Variants in ATP8A2 observed in about 807,000 individuals in gnomAD.
ATP8A2 encodes the protein ATPase phospholipid transporting 8A2.
Under a neutral mutation model 165.6 loss-of-function variants are expected in ATP8A2, and 100 were observed. The ratio of observed to expected loss-of-function variants is 0.60; its 90% CI spans 0.51 to 0.71. ATP8A2 has a LOEUF of 0.71. Ranked by LOEUF, ATP8A2 falls within the 30% of genes least tolerant of loss-of-function variation. ATP8A2 has a pLI of 0.00. For missense variants in ATP8A2, 1,227 were observed against 1,479.5 expected (o/e 0.83, Z 2.80); for synonymous variants, 543 against 548.8 (o/e 0.99, Z 0.15).
At chr13:25,792,804 T>C (rs191217570) in intron 27 of ATP8A2, among the ~76,000 whole-genome samples, 2 of 151,710 alleles carry the variant, frequency 1.3e-5, no homozygotes, top group East Asian at 3.9e-4. Flanking sequence ...CCTGTAGTCC[T>C]AGCTAGCTCC....
chr13:26,019,716 G>A (rs955385428), intron 36 of ATP8A2, among the ~76,000 whole-genome samples, 172 bp from the exon 37 acceptor site: 2 of 152,228 alleles, frequency 1.3e-5, no homozygotes, highest in African/African-American at 2.4e-5. Context: ...CGGCCGCCAC[G>A]GCCCCTCTAT....
intron 2 of ATP8A2, among the ~76,000 whole-genome samples, chr13:25,490,130 A>T (rs1442420852): frequency 1.3e-5 from 2 of 152,214 alleles, no homozygotes; most frequent in African/African-American, 4.8e-5. Flanking sequence ...GTAGTAGAGA[A>T]CACACATGTT....
chr13:25,829,303 T>C (rs1001706290), intron 28 of ATP8A2, among the ~76,000 whole-genome samples: 1 of 152,040 alleles, frequency 6.6e-6, no homozygotes, highest in Non-Finnish European at 1.5e-5. Context: ...CTCCTGATAC[T>C]GATGCCCTAA....
chr13:25,959,906 GTAC>G (rs916415000), intron 33 of ATP8A2, among the ~76,000 whole-genome samples: 1 of 152,206 alleles, frequency 6.6e-6, no homozygotes, highest in African/African-American at 2.4e-5. Flanking sequence ...GGGGCAAAAT[GTAC>G]TCACACATTT....
Position 25,551,430 on chromosome 13 carries a change from C to T in ATP8A2, c.984C>T (p.Ala328=), listed in dbSNP as rs760811919. The T allele has an allele frequency of 8.1e-6, 13 of 1,613,966 alleles. No individual in the cohort carries two copies. In the African/African-American group the frequency reaches 1.3e-4, roughly 17 times the overall value. Residue 328 remains alanine (A), a synonymous_variant, in exon 11 of 37, where the codon GCC becomes GCT. Coordinates refer to ENST00000381655, the MANE Select transcript of ATP8A2 (RefSeq NM_016529.6). ...TGTTTGGCATCCTCTTGGTCATGGC[C>T]TTGGTGAGCTCGGCGGGGGCCCTGT... ...LVLFGILLVM[A]LVSSAGALYW... is the part of the protein sequence containing the mutation.
intron 12 of ATP8A2, 127 bp downstream of exon 12, chr13:25,554,047 C>A: frequency 9.7e-7 from 1 of 1,033,748 alleles, no homozygotes; most frequent in Non-Finnish European, 1.4e-6. Flanking sequence ...TTAAACTGGC[C>A]ATACAAAGAA....
intron 1 of ATP8A2, among the ~76,000 whole-genome samples, chr13:25,404,072 A>G (rs1164582059): frequency 6.6e-6 from 1 of 152,178 alleles, no homozygotes; most frequent in Admixed American, 6.5e-5. Flanking sequence ...CCTTGCTCTC[A>G]TGGAACTTAT....
chr13:25,846,942 G>A (rs1219412382), intron 30 of ATP8A2, among the ~76,000 whole-genome samples: 1 of 152,228 alleles, frequency 6.6e-6, no homozygotes, highest in African/African-American at 2.4e-5. Flanking sequence ...AGTAAGGTAT[G>A]TGAAACAATA....
chr13:25,997,581 T>C (rs1956537652), intron 35 of ATP8A2, among the ~76,000 whole-genome samples: 2 of 152,370 alleles, frequency 1.3e-5, no homozygotes, highest in African/African-American at 2.4e-5. Flanking sequence ...TCTTCTATTA[T>C]ATTCTTACAG....
At chr13:25,559,820 T>TC in intron 15 of ATP8A2, 55 bp downstream of exon 15, 1 of 1,250,854 alleles carries the variant, frequency 8.0e-7, no homozygotes, top group East Asian at 2.3e-5. Flanking sequence ...TTGGAATAAT[T>TC]ATTTATTATT....
At chr13:25,498,840 C>A (rs945119050) in intron 2 of ATP8A2, among the ~76,000 whole-genome samples, 4 of 152,122 alleles carry the variant, frequency 2.6e-5, no homozygotes, top group African/African-American at 9.7e-5. Flanking sequence ...AAATAACAAG[C>A]CTGGGGCTCA....
chr13:25,864,833 G>A (rs1952461815), intron 33 of ATP8A2, among the ~76,000 whole-genome samples: 1 of 152,162 alleles, frequency 6.6e-6, no homozygotes. Context: ...AAAGAACTGT[G>A]TATCATCTCT....
intron 27 of ATP8A2, among the ~76,000 whole-genome samples, chr13:25,776,122 G>T (rs945646955): frequency 6.6e-6 from 1 of 152,224 alleles, no homozygotes; most frequent in African/African-American, 2.4e-5. Flanking sequence ...CTCTTCAGCT[G>T]CCCGGAGCCC....
chr13:25,842,589 T>C (rs1332517175), intron 30 of ATP8A2, among the ~76,000 whole-genome samples: 1 of 151,852 alleles, frequency 6.6e-6, no homozygotes, highest in Middle Eastern at 3.2e-3. Context: ...GCAGAATCGC[T>C]TGAACCCGGG....
rs1480301125 is a variant in ATP8A2, at chr13:25,515,126, A to T, written c.222-14873A>T. 2.6e-5 allele frequency among the ~76,000 whole-genome samples: 4 copies of T among 152,196 alleles called. No individual in the cohort carries two copies. The East Asian group carries it at 7.7e-4, about 29-fold the overall frequency. On this transcript the variant is annotated intron_variant, in intron 2 of 36. Transcript: ENST00000381655. ...TAAGAGGGAGCTCCTCCTGCCCGACAATCTTCAAACTGGCACATTAGCTTT... is the reference window on the plus strand; with the variant it reads ...TAAGAGGGAGCTCCTCCTGCCCGACTATCTTCAAACTGGCACATTAGCTTT...
intron 5 of ATP8A2, among the ~76,000 whole-genome samples, chr13:25,532,567 C>T (rs1303937493): frequency 1.3e-5 from 2 of 152,154 alleles, no homozygotes; most frequent in Non-Finnish European, 2.9e-5. Context: ...GTTTTTATGT[C>T]CATAAAAAGT....
At chr13:25,993,604 G>A (rs187292717) in intron 35 of ATP8A2, among the ~76,000 whole-genome samples, 42 of 152,132 alleles carry the variant, frequency 2.8e-4, no homozygotes, top group African/African-American at 1.0e-3. Flanking sequence ...TGTCAAAAAG[G>A]CTTTCTTCCA....
intron 24 of ATP8A2, among the ~76,000 whole-genome samples, chr13:25,623,240 T>A (rs1384504089): frequency 2.0e-5 from 3 of 152,050 alleles, no homozygotes; most frequent in Non-Finnish European, 2.9e-5. Context: ...ATAAAAATTT[T>A]AAAAAACTAG....
At chr13:25,506,669 G>A (rs1287584019) in intron 2 of ATP8A2, among the ~76,000 whole-genome samples, 1 of 152,174 alleles carries the variant, frequency 6.6e-6, no homozygotes, top group African/African-American at 2.4e-5. Flanking sequence ...CACGGCTGTG[G>A]ATCTGAAGAG....
Sources: gnomAD v4.1 joint callset for allele counts (sites outside exome capture counted in the v4.1 genomes callset) on GRCh38, gnomAD v4.1.1 for gene constraint, MANE v1.5 for transcripts, NCBI Gene and HGNC (gene_info 2026-07-23, HGNC 2026-07-21) for gene names.